Variants in STRBP observed in about 807,000 individuals in gnomAD.
STRBP encodes the protein spermatid perinuclear RNA-binding protein.
STRBP carries 13 observed loss-of-function variants against 80.1 expected under a neutral mutation model. The observed-to-expected ratio is 0.16, with a 90% CI of 0.11 to 0.26. The LOEUF is 0.26. STRBP is among the 10% of genes least tolerant of loss of function. The pLI is 1.00. For synonymous variants in STRBP, 284 were observed against 291.2 expected, an observed-to-expected ratio of 0.98 and a Z score of 0.25; for missense variants, 485 against 815.2, an observed-to-expected ratio of 0.59 and a Z score of 4.93.
rs1330951995 is a variant in STRBP, at chr9:123,158,271, T to C, written c.933+61A>G. On this transcript the variant is annotated intron_variant, in intron 10 of 18. Transcript: ENST00000348403. The stretch of plus-strand genomic sequence containing the variant: ...ACAAGAAAAAAGTGTTTGAACACAA[T>C]TGAGAAAATTAAGTTATGTTATTTC... 56 of 1,577,578 alleles carry C rather than the reference T, an allele frequency of 3.5e-5. No individual in the cohort carries two copies. Among genetic ancestry groups the C allele is most frequent in the Non-Finnish European group, 4.5e-5 (52 of 1,148,126 alleles).
intron 1 of STRBP, among the ~76,000 whole-genome samples, chr9:123,251,514 C>T (rs780250490): frequency 5.3e-5 from 8 of 152,154 alleles, no homozygotes; most frequent in Non-Finnish European, 8.8e-5. Context: ...TTCATAATAC[C>T]GGATTGGAAA....
chr9:123,173,642 A>G, intron 5 of STRBP, 35 bp downstream of exon 5: 1 of 1,562,398 alleles, frequency 6.4e-7, no homozygotes, highest in East Asian at 2.3e-5. Flanking sequence ...ACCTTTTTAC[A>G]AATTCGCCTA....
intron 13 of STRBP, among the ~76,000 whole-genome samples, chr9:123,142,449 A>C (rs2036628166): frequency 6.6e-6 from 1 of 152,242 alleles, no homozygotes; most frequent in South Asian, 2.1e-4. Context: ...TTCCTTTATA[A>C]ATTACCCAGT....
chr9:123,109,729 T>C (rs191855876), exon 4 of STRBP: 3 of 152,276 alleles, frequency 2.0e-5, no homozygotes, highest in East Asian at 3.9e-4. Context: ...ACCATCCACA[T>C]GTGCAGGCTG....
At chr9:123,173,577 C>G (rs1338469625) in intron 5 of STRBP, 100 bp downstream of exon 5, 2 of 1,282,446 alleles carry the variant, frequency 1.6e-6, no homozygotes, top group East Asian at 4.8e-5. Flanking sequence ...TGTGTCTATC[C>G]TATTAGCTAT....
intron 6 of STRBP, among the ~76,000 whole-genome samples, chr9:123,163,168 AAC>A (rs1438194763): frequency 1.3e-5 from 2 of 152,236 alleles, no homozygotes; most frequent in Non-Finnish European, 2.9e-5. Flanking sequence ...AGAGGGAAGT[AAC>A]ACAGAGGATA....
At chr9:123,169,456 C>T (rs1035189792) in intron 6 of STRBP, among the ~76,000 whole-genome samples, 2 of 152,118 alleles carry the variant, frequency 1.3e-5, no homozygotes, top group Non-Finnish European at 2.9e-5. Flanking sequence ...CAGGCATGAG[C>T]GACCATGCCC....
chr9:123,145,338 A>G (rs1281563525), intron 13 of STRBP, among the ~76,000 whole-genome samples: 6 of 152,212 alleles, frequency 3.9e-5, no homozygotes, highest in Non-Finnish European at 8.8e-5. Context: ...TTATATCATA[A>G]AAATATATCA....
intron 2 of STRBP, among the ~76,000 whole-genome samples, chr9:123,220,008 CAG>C (rs1242313084): frequency 6.6e-6 from 1 of 152,078 alleles, no homozygotes; most frequent in Non-Finnish European, 1.5e-5. Context: ...TAAACAAAAA[CAG>C]AGTATGCCAC....
At chr9:123,232,691 T>G (rs1318342983) in intron 2 of STRBP, among the ~76,000 whole-genome samples, 1 of 152,216 alleles carries the variant, frequency 6.6e-6, no homozygotes, top group Non-Finnish European at 1.5e-5. Flanking sequence ...GTTCTACCAT[T>G]TGTACTAAAA....
At chr9:123,151,521 A>G (rs1310693500) in intron 11 of STRBP, among the ~76,000 whole-genome samples, 14 of 152,196 alleles carry the variant, frequency 9.2e-5, no homozygotes. Flanking sequence ...AAAAACTCAA[A>G]AACAAAAGAG....
Position 123,170,214 on chromosome 9 carries a change from T to C in STRBP, c.391-168A>G, listed in dbSNP as rs146224683. On this transcript the variant is annotated intron_variant, in intron 5 of 18. Coordinates refer to ENST00000348403, the MANE Select transcript of STRBP (RefSeq NM_018387.5). ...CTTTACTGGGGATAACACTTTTCTC[T>C]CCTCCCAACTTACAAGAAAACCCTC... 6.8e-3 allele frequency among the ~76,000 whole-genome samples: 1,031 copies of C among 152,264 alleles called. 11 individuals are homozygous for C. The highest frequency in any genetic ancestry group is 0.024 in the African/African-American group (995 of 41,546).
At chr9:123,161,955 T>C (rs1389151106) in intron 6 of STRBP, among the ~76,000 whole-genome samples, 2 of 152,240 alleles carry the variant, frequency 1.3e-5, no homozygotes, top group Non-Finnish European at 2.9e-5. Flanking sequence ...GCACACAATA[T>C]GCAAATGCTT....
At chr9:123,120,984 T>C (rs1470333990), downstream of STRBP, among the ~76,000 whole-genome samples, 3 of 152,246 alleles carry the variant, frequency 2.0e-5, no homozygotes, top group Admixed American at 2.0e-4. Context: ...ATATTTGTAA[T>C]AGGCCCAATT....
intron 2 of STRBP, among the ~76,000 whole-genome samples, chr9:123,204,170 C>A (rs2039430005): frequency 6.6e-6 from 1 of 152,176 alleles, no homozygotes; most frequent in African/African-American, 2.4e-5. Context: ...AAAATATTTT[C>A]TCATACAGGA....
Position 123,159,086 on chromosome 9 carries a change from A to T in STRBP, c.835+10T>A. ...CTGATTGTTCTGCTTCCAGAGTTTG[A>T]AACCCTTACCAGGAAGTAGTATTCC... On this transcript the variant is annotated intron_variant, in intron 9 of 18. Transcript: ENST00000348403. 2 of 1,604,652 alleles carry T rather than the reference A, an allele frequency of 1.2e-6. No individual in the cohort carries two copies. The highest frequency in any genetic ancestry group is 1.7e-6 in the Non-Finnish European group (2 of 1,171,798).
In STRBP at chr9:123,136,457, T is replaced by C. The variant is rs778620455; in HGVS notation, c.1556A>G (p.Asn519Ser). 1 of 1,614,172 alleles carries C rather than the reference T, an allele frequency of 6.2e-7. No individual in the cohort carries two copies. The highest frequency in any genetic ancestry group is 8.5e-7 in the Non-Finnish European group (1 of 1,180,012). The change falls in exon 15 of 19, where the codon AAT (asparagine) becomes AGT (serine). Residue 519 changes from asparagine to serine, a missense_variant. By Grantham distance (46) the Asn-to-Ser change is conservative. This residue lies in a region of STRBP where 23 missense variants were observed against 79.0 expected (regional missense o/e 0.29). Transcript: ENST00000348403. The surrounding 1 kb of genome is among the most constrained non-coding windows in gnomAD (Gnocchi z 4.2). ...ATACTTGAGACCTCTTCTTTTTTCATTGAGCTCCATTACAGGGTTTTTGCC... is the reference window on the plus strand; with the variant it reads ...ATACTTGAGACCTCTTCTTTTTTCACTGAGCTCCATTACAGGGTTTTTGCC... Reference protein sequence around the residue: ...ASGKNPVMELNEKRRGLKYEL... With the variant: ...ASGKNPVMELSEKRRGLKYEL...
chr9:123,211,862 CTGAG>C (rs976282613), intron 2 of STRBP, among the ~76,000 whole-genome samples: 7 of 152,260 alleles, frequency 4.6e-5, no homozygotes, highest in East Asian at 1.9e-4. Flanking sequence ...AAAACTGCAA[CTGAG>C]TAAGTACTCA....
intron 17 of STRBP, among the ~76,000 whole-genome samples, chr9:123,128,883 G>C (rs530852042): frequency 4.4e-4 from 67 of 152,210 alleles, no homozygotes; most frequent in African/African-American, 1.2e-3. Flanking sequence ...TGTAAATGCT[G>C]GTGAATTTGA....
Sources: gnomAD v4.1 joint callset for allele counts (sites outside exome capture counted in the v4.1 genomes callset) on GRCh38, gnomAD v4.1.1 for gene constraint, gnomAD v4.1.1 regional missense constraint, Gnocchi (gnomAD v3.1) non-coding constraint, MANE v1.5 for transcripts, NCBI Gene and HGNC (gene_info 2026-07-23, HGNC 2026-07-21) for gene names.